SREBF1: variants seen among roughly 807,000 people sequenced by gnomAD.
SREBF1 encodes sterol regulatory element binding transcription factor 1.
A neutral mutation model predicts 100.1 loss-of-function variants in SREBF1; 45 were observed. The observed-to-expected ratio is 0.45, with a 90% confidence interval of 0.35 to 0.58. The LOEUF (loss-of-function observed/expected upper bound fraction) is 0.58. SREBF1 is among the 20% of genes least tolerant of loss of function. The pLI, the probability that SREBF1 is intolerant of heterozygous loss-of-function variation, is 0.00. For missense variants in SREBF1, 1,324 were observed against 1,539.4 expected, an observed-to-expected ratio of 0.86 and a Z score of 2.34; for synonymous variants, 657 against 681.8, an observed-to-expected ratio of 0.96 and a Z score of 0.57.
In SREBF1 at chr17:17,833,664, T is replaced by C. The variant is rs560215927; in HGVS notation, c.91+3063A>G. ...TGGGTAAATTTTGTGATACATAAAG[T>C]ATACCTCAATAAAGTCGTTTTTAAA... On this transcript the variant is annotated intron_variant, in intron 1 of 18. Coordinates refer to ENST00000261646, the MANE Select transcript of SREBF1 (RefSeq NM_004176.5). Among the ~76,000 whole-genome samples, 14 of 151,722 alleles carry C rather than the reference T, an allele frequency of 9.2e-5. No individual in the cohort carries two copies. In the South Asian group the frequency reaches 2.7e-3, roughly 29 times the overall value.
intron 1 of SREBF1, among the ~76,000 whole-genome samples, chr17:17,831,684 C>A (rs2034872300): frequency 6.6e-6 from 1 of 152,176 alleles, no homozygotes; most frequent in South Asian, 2.1e-4. Context: ...AACACAGGTA[C>A]AGGGCCATCT....
In SREBF1 at chr17:17,824,402, C is replaced by T. The variant is rs1035786517; in HGVS notation, c.92-3881G>A. On this transcript the variant is annotated intron_variant, in intron 1 of 18. Transcript: ENST00000261646. The surrounding 1 kb of genome is among the most constrained non-coding windows in gnomAD (Gnocchi z 4.2). ...AGATGGGTGAAGTCTGCCCCTCCCC[C>T]TCAAGGCCTCACAACCCAGCAGTCA... 4.6e-5 allele frequency among the ~76,000 whole-genome samples: 7 copies of T among 152,196 alleles called. No homozygotes were observed. The highest frequency in any genetic ancestry group is 3.2e-3 in the Middle Eastern group (1 of 314).
Position 17,812,028 on chromosome 17 carries a change from G to GCACT in SREBF1, c.*590_*593dup. ...CCCTAGGTGCTGGGGGAGGGCCCAA[G>GCACT]CACTCTCACTAGTCAGCACATCCAT... On this transcript the variant is annotated 3_prime_UTR_variant, in exon 19 of 19. Transcript: ENST00000261646. The GCACT allele has an allele frequency of 2.3e-6, 1 of 439,082 alleles. No homozygotes were observed. 27.2% of individuals were successfully genotyped at this position (439,082 alleles called of 1,614,324 possible).
At chr17:17,818,786 G>A in intron 5 of SREBF1, 1 of 618,998 alleles carries the variant, frequency 1.6e-6, no homozygotes. Flanking sequence ...ATTTTTGTCT[G>A]TCTTGTTCAT....
chr17:17,814,812 C>T (rs1328888509), intron 14 of SREBF1, 23 bp downstream of exon 14: 1 of 1,606,010 alleles, frequency 6.2e-7, no homozygotes, highest in East Asian at 2.2e-5. Context: ...AGAAGGGAGC[C>T]AGGACAGGGG....
chr17:17,825,217 C>T (rs186373805), intron 1 of SREBF1, among the ~76,000 whole-genome samples: 109 of 152,364 alleles, frequency 7.2e-4, no homozygotes, highest in Admixed American at 1.3e-3. Context: ...TGTGAACAGT[C>T]AAGCCTGTCC....
Position 17,815,926 on chromosome 17 carries a change from C to T in SREBF1, c.2317G>A (p.Val773Met), listed in dbSNP as rs545664723. 121 of 1,612,970 alleles carry T rather than the reference C, an allele frequency of 7.5e-5. 1 individual carries two copies. The South Asian group carries it at 1.2e-3, about 16-fold the overall frequency. The change falls in exon 12 of 19, where the codon GTG becomes ATG. Residue 773 changes from valine (V) to methionine (M), a missense_variant. Coordinates refer to ENST00000261646, the MANE Select transcript of SREBF1 (RefSeq NM_004176.5). ...LCHPVGHRFF[V>M]DGDWSVLSTP... Reference sequence around the variant, plus strand: ...CTGAGCACGGACCAGTCCCCATCCACGAAGAAACGGTGGCCCACGGGGTGG... The same window carrying T: ...CTGAGCACGGACCAGTCCCCATCCATGAAGAAACGGTGGCCCACGGGGTGG...
rs1019490472 is a variant in SREBF1 at position 17,818,153 on chromosome 17, G to A, written c.1183+107C>T. On this transcript the variant is annotated intron_variant, in intron 6 of 18. Coordinates refer to ENST00000261646, the MANE Select transcript of SREBF1 (RefSeq NM_004176.5). ...AAGGGTGAGGTGGGCAGGGCAGAGGGTGGGCCAGAACCAAGGGTGGGGTGG... is the reference window on the plus strand; with the variant it reads ...AAGGGTGAGGTGGGCAGGGCAGAGGATGGGCCAGAACCAAGGGTGGGGTGG... The A allele has an allele frequency of 3.1e-5, 29 of 950,342 alleles. No homozygotes were observed. In the South Asian group the frequency reaches 3.6e-4, roughly 12 times the overall value. 58.9% of individuals were successfully genotyped at this position (950,342 alleles called of 1,614,324 possible).
chr17:17,828,254 T>C (rs1007335495), intron 1 of SREBF1, among the ~76,000 whole-genome samples: 26 of 152,218 alleles, frequency 1.7e-4, no homozygotes, highest in African/African-American at 6.3e-4. Flanking sequence ...GGAATGCCCT[T>C]TCCACCTGGT....
In SREBF1 at chr17:17,819,527, G is replaced by T. The variant is rs757643996; in HGVS notation, c.711+11C>A. On this transcript the variant is annotated intron_variant, in intron 3 of 18. Transcript: ENST00000261646. ...CTGCCCCCTCCCCAACCCCTGGCCA[G>T]ACCCCCTCACCGGGACCTGCTGGAT... 1.2e-5 allele frequency: 19 copies of T among 1,613,596 alleles called. No homozygotes were observed. The highest frequency in any genetic ancestry group is 1.5e-5 in the Non-Finnish European group (18 of 1,179,996).
At chr17:17,815,434 G>C (rs2033453600) in intron 12 of SREBF1, 105 bp from the exon 13 acceptor site, 1 of 899,212 alleles carries the variant, frequency 1.1e-6, no homozygotes, top group Admixed American at 2.0e-5. Context: ...AGGGCCACTG[G>C]GAAGTGCCGG....
At position 17,817,884 on chromosome 17, in the gene SREBF1, T is replaced by C. The variant is rs916230672; in HGVS notation, c.1216A>G (p.Ser406Gly). The change falls in exon 7 of 19, where the codon AGT becomes GGT. Residue 406 changes from serine to glycine, a missense_variant. By Grantham distance (56) the Ser-to-Gly change is moderately conservative. Coordinates refer to ENST00000261646, the MANE Select transcript of SREBF1 (RefSeq NM_004176.5). The surrounding 1 kb of genome is among the most constrained non-coding windows in gnomAD (Gnocchi z 6.6). Reference protein sequence around the residue: ...SLKDLVSACGSGGNTDVLMEG... With the variant: ...SLKDLVSACGGGGNTDVLMEG... Reference sequence around the variant, plus strand: ...ATGAGCACGTCTGTGTTCCCTCCACTGCCACAGGCCGACACCAGATCCTTC... The same window carrying C: ...ATGAGCACGTCTGTGTTCCCTCCACCGCCACAGGCCGACACCAGATCCTTC... 3.7e-6 allele frequency: 6 copies of C among 1,602,686 alleles called. No individual in the cohort carries two copies. Among genetic ancestry groups the C allele is most frequent in the Non-Finnish European group, 5.1e-6 (6 of 1,179,956 alleles).
At position 17,813,956 on chromosome 17, in the gene SREBF1, C is replaced by A. The variant is rs1011663979; in HGVS notation, c.2902-187G>T. ...CCTCTCTCGGCCCCCACACCCGCCA[C>A]CGGCCCGGGAGCAGCTGTCCAGCCC... On this transcript the variant is annotated intron_variant, in intron 16 of 18. Coordinates refer to ENST00000261646, the MANE Select transcript of SREBF1 (RefSeq NM_004176.5). 3.8e-5 allele frequency: 27 copies of A among 710,532 alleles called. 1 individual carries two copies. The highest frequency in any genetic ancestry group is 6.1e-5 in the Non-Finnish European group (26 of 426,340). The allele number at this position is 710,532 out of a possible 1,614,324, so 44.0% of individuals were successfully genotyped here.
Position 17,812,833 on chromosome 17 carries a change from T to A in SREBF1, c.3233A>T (p.Glu1078Val). 2 of 1,473,928 alleles carry A rather than the reference T, an allele frequency of 1.4e-6. No individual in the cohort carries two copies. The highest frequency in any genetic ancestry group is 1.8e-6 in the Non-Finnish European group (2 of 1,119,990). The allele number at this position is 1,473,928 out of a possible 1,614,324, so 91.3% of individuals were successfully genotyped here. A position where few individuals can be genotyped will look rare whatever the true frequency, so the allele number is the denominator to read the frequency against. ...GTGCTCCCGCCGCGTGGGCCGCGGC[T>A]CCAGCTCCGCCACCGCGCCTGCGCA... Reference protein sequence around the residue: ...GGKGGAVAELEPRPTRREHAE... With the variant: ...GGKGGAVAELVPRPTRREHAE... Residue 1078 changes from glutamate to valine, a missense_variant, in exon 19 of 19, where the codon GAG becomes GTG. Transcript: ENST00000261646.
intron 1 of SREBF1, among the ~76,000 whole-genome samples, chr17:17,822,681 CCA>C (rs2034183927): frequency 6.6e-6 from 1 of 152,278 alleles, no homozygotes; most frequent in Non-Finnish European, 1.5e-5. Context: ...CTGCCCACCA[CCA>C]GCTTGAAGTG....
chr17:17,829,908 G>A (rs2034752580), intron 1 of SREBF1, among the ~76,000 whole-genome samples: 1 of 150,958 alleles, frequency 6.6e-6, no homozygotes. Flanking sequence ...CCAAAGTGCT[G>A]GGATTACAGG....
rs1021345227 is a variant in SREBF1 at position 17,811,633 on chromosome 17, G to A, written c.*989C>T. On this transcript the variant is annotated 3_prime_UTR_variant, in exon 19 of 19. Coordinates refer to ENST00000261646, the MANE Select transcript of SREBF1 (RefSeq NM_004176.5). ...CCCCTCTCCAGTGTGGCGGCAGGTC[G>A]GGAGGGAGGAGGCTTCTTTGCTGTG... is the stretch of plus-strand genomic sequence containing the variant. 2 of 437,710 alleles carry A rather than the reference G, an allele frequency of 4.6e-6. No homozygotes were observed. The highest frequency in any genetic ancestry group is 1.6e-5 in the South Asian group (1 of 62,374). 27.1% of individuals were successfully genotyped at this position (437,710 alleles called of 1,614,324 possible).
At chr17:17,813,146 TGAG>T in intron 18 of SREBF1, 1 of 600,248 alleles carries the variant, frequency 1.7e-6, no homozygotes, top group African/African-American at 1.9e-5. Context: ...TTTTTTTTTT[TGAG>T]ACAGGGACTC....
intron 1 of SREBF1, among the ~76,000 whole-genome samples, chr17:17,821,497 C>T (rs569535249): frequency 1.3e-5 from 2 of 152,272 alleles, no homozygotes; most frequent in South Asian, 4.1e-4. Context: ...CCACCATTGG[C>T]CACTCCTGGT....
Sources: gnomAD v4.1 joint callset for allele counts (sites outside exome capture counted in the v4.1 genomes callset) on GRCh38, gnomAD v4.1.1 for gene constraint, Gnocchi (gnomAD v3.1) non-coding constraint, MANE v1.5 for transcripts, NCBI Gene and HGNC (gene_info 2026-07-23, HGNC 2026-07-21) for gene names.